Variants in CRISPLD2 observed in about 807,000 individuals in gnomAD.
CRISPLD2 encodes the protein cysteine rich secretory protein LCCL domain containing 2.
CRISPLD2 carries 47 observed loss-of-function variants against 71.1 expected under a neutral mutation model. That is an observed-to-expected ratio of 0.66 (90% CI 0.52 to 0.84). The LOEUF (loss-of-function observed/expected upper bound fraction) is 0.84, where lower values mean the gene tolerates loss of function less well. Ranked by LOEUF, CRISPLD2 falls within the 40% of genes least tolerant of loss-of-function variation. The probability of loss-of-function intolerance (pLI) is 0.00; values close to 1 mark genes in which losing one functional copy is unlikely to be tolerated. For synonymous variants in CRISPLD2, 317 were observed against 250.1 expected, an observed-to-expected ratio of 1.27 and a Z score of -2.52; for missense variants, 830 against 651.1, an observed-to-expected ratio of 1.27 and a Z score of -2.99.
At chr16:84,901,439 T>G (rs2071752880) in intron 14 of CRISPLD2, among the ~76,000 whole-genome samples, 1 of 151,982 alleles carries the variant, frequency 6.6e-6, no homozygotes, top group Non-Finnish European at 1.5e-5. Context: ...CATTTTAATT[T>G]TGATGTGGAA....
intron 1 of CRISPLD2, among the ~76,000 whole-genome samples, chr16:84,823,567 G>A (rs143982714): frequency 6.6e-6 from 1 of 152,300 alleles, no homozygotes; most frequent in African/African-American, 2.4e-5. Context: ...TGCCACCTGG[G>A]TCACAGCAGC....
chr16:84,863,357 G>T (rs926044313), intron 6 of CRISPLD2, among the ~76,000 whole-genome samples: 2 of 152,182 alleles, frequency 1.3e-5, no homozygotes, highest in African/African-American at 2.4e-5. Flanking sequence ...AGCTAAGCAC[G>T]CAGCAAGTCT....
At chr16:84,833,897 A>T (rs2143158469) in intron 1 of CRISPLD2, among the ~76,000 whole-genome samples, 1 of 152,304 alleles carries the variant, frequency 6.6e-6, no homozygotes, top group Non-Finnish European at 1.5e-5. Context: ...AAGAGGGTGG[A>T]AGAGAACTTT....
chr16:84,865,671 C>T (rs1917516937), intron 6 of CRISPLD2, among the ~76,000 whole-genome samples: 1 of 152,072 alleles, frequency 6.6e-6, no homozygotes, highest in Non-Finnish European at 1.5e-5. Context: ...CAGATATGCT[C>T]GTGAATTTGT....
intron 14 of CRISPLD2, among the ~76,000 whole-genome samples, chr16:84,890,006 A>G (rs2071647509): frequency 6.6e-6 from 1 of 152,054 alleles, no homozygotes; most frequent in African/African-American, 2.4e-5. Flanking sequence ...ATAATCATAA[A>G]CCCTGCCCCA....
intron 1 of CRISPLD2, among the ~76,000 whole-genome samples, chr16:84,826,637 C>T (rs1028295765): frequency 6.6e-6 from 1 of 152,122 alleles, no homozygotes; most frequent in Non-Finnish European, 1.5e-5. Context: ...CCGGGACCTG[C>T]GAGGCTGGGG....
At chr16:84,882,876 C>A (rs1027624765) in intron 13 of CRISPLD2, among the ~76,000 whole-genome samples, 1 of 152,196 alleles carries the variant, frequency 6.6e-6, no homozygotes, top group Non-Finnish European at 1.5e-5. Flanking sequence ...GAACATGTGT[C>A]CGGCTTTCGA....
At chr16:84,825,056 A>G (rs1321310401) in intron 1 of CRISPLD2, among the ~76,000 whole-genome samples, 2 of 152,140 alleles carry the variant, frequency 1.3e-5, no homozygotes, top group Non-Finnish European at 2.9e-5. Flanking sequence ...GTGAGCCGAG[A>G]TCACGCCACC....
intron 3 of CRISPLD2, 142 bp downstream of exon 3, chr16:84,846,046 G>A (rs1319401422): frequency 3.4e-6 from 2 of 588,182 alleles, no homozygotes; most frequent in Non-Finnish European, 3.0e-6. Flanking sequence ...GGAAACTGAG[G>A]CTTGGCATCC....
chr16:84,826,754 G>A (rs781452197), intron 1 of CRISPLD2, among the ~76,000 whole-genome samples: 15 of 152,168 alleles, frequency 9.9e-5, no homozygotes, highest in Non-Finnish European at 1.5e-4. Flanking sequence ...AGTCGTGTGC[G>A]GGTCCAAGGG....
chr16:84,871,101 G>T (rs949235954), intron 8 of CRISPLD2, among the ~76,000 whole-genome samples: 3 of 152,104 alleles, frequency 2.0e-5, no homozygotes, highest in African/African-American at 7.2e-5. Flanking sequence ...ATGCTTGCAG[G>T]TCTGGCTTTC....
intron 1 of CRISPLD2, chr16:84,829,134 C>G (rs1418760917): frequency 6.6e-6 from 1 of 152,234 alleles, no homozygotes; most frequent in Non-Finnish European, 1.5e-5. Flanking sequence ...GAGAAGGTGC[C>G]TTGTGGGGCT....
intron 3 of CRISPLD2, 33 bp from the exon 4 acceptor site, chr16:84,849,352 G>A (rs1392610266): frequency 6.2e-7 from 1 of 1,600,156 alleles, no homozygotes; most frequent in Non-Finnish European, 8.5e-7. Context: ...GAGGGGAGGG[G>A]CTGGGACTGA....
At chr16:84,883,645 G>A (rs2071587183) in intron 13 of CRISPLD2, among the ~76,000 whole-genome samples, 1 of 152,202 alleles carries the variant, frequency 6.6e-6, no homozygotes, top group Non-Finnish European at 1.5e-5. Context: ...CAGAGAATCT[G>A]CATTCCAACA....
intron 3 of CRISPLD2, among the ~76,000 whole-genome samples, chr16:84,848,364 G>A (rs1025610120): frequency 6.6e-6 from 1 of 152,044 alleles, no homozygotes; most frequent in Non-Finnish European, 1.5e-5. Context: ...CATTTCCCCC[G>A]TGAGCATTTT....
intron 14 of CRISPLD2, among the ~76,000 whole-genome samples, chr16:84,899,082 G>C (rs1477565930): frequency 6.6e-6 from 1 of 152,024 alleles, no homozygotes; most frequent in African/African-American, 2.4e-5. Flanking sequence ...TGTAGAGACA[G>C]GGGTCACTGT....
intron 6 of CRISPLD2, among the ~76,000 whole-genome samples, chr16:84,861,092 G>T (rs1917366582): frequency 6.6e-6 from 1 of 152,116 alleles, no homozygotes; most frequent in Non-Finnish European, 1.5e-5. Context: ...AGTGTCAAAT[G>T]CATTTATTGT....
chr16:84,829,958 A>C (rs1916447076), intron 1 of CRISPLD2, among the ~76,000 whole-genome samples: 1 of 152,234 alleles, frequency 6.6e-6, no homozygotes, highest in African/African-American at 2.4e-5. Flanking sequence ...TGATTGAACA[A>C]GGCTCAGTGC....
At chr16:84,865,061 C>T (rs1244364770) in intron 6 of CRISPLD2, among the ~76,000 whole-genome samples, 1 of 151,924 alleles carries the variant, frequency 6.6e-6, no homozygotes, top group African/African-American at 2.4e-5. Flanking sequence ...TGTGTGGACA[C>T]AAAATACTTG....
Sources: allele counts gnomAD v4.1 joint callset (sites outside exome capture counted in the v4.1 genomes callset), GRCh38; gene constraint gnomAD v4.1.1; transcripts MANE v1.5; gene names NCBI Gene and HGNC (gene_info 2026-07-23, HGNC 2026-07-21).